The following CARD16 variants were observed in gnomAD, a reference collection of about 807,000 sequenced individuals.
CARD16 encodes caspase recruitment domain-containing protein 16.
In CARD16, 8 loss-of-function variants were observed where a neutral mutation model predicts 11.9. The ratio of observed to expected loss-of-function variants is 0.67; its 90% CI spans 0.39 to 1.21. The LOEUF is 1.21. CARD16 is among the 50% of genes most tolerant of loss of function. The pLI is 0.01. For synonymous variants in CARD16, 44 were observed against 43.8 expected, an observed-to-expected ratio of 1.00 and a Z score of -0.02; for missense variants, 131 against 118.1, an observed-to-expected ratio of 1.11 and a Z score of -0.51.
rs1208905691 is a variant in CARD16, at chr11:105,041,579, T to G, written c.*184A>C. The G allele has an allele frequency of 2.5e-6, 4 of 1,613,926 alleles. No individual in the cohort carries two copies. The highest frequency in any genetic ancestry group is 3.4e-6 in the Non-Finnish European group (4 of 1,179,948). On this transcript the variant is annotated 3_prime_UTR_variant, in exon 4 of 4. Transcript: ENST00000673097. ...CCTGAAGTATATCTTTCACTCCACT[T>G]TATTATTGTATTCTGAACATGGCAC...
Position 105,043,498 on chromosome 11 carries a change from A to C in CARD16, c.*28T>G. 6.2e-7 allele frequency: 1 copy of C among 1,608,216 alleles called. No individual in the cohort carries two copies. ...ACAACATTACCTGGGAAGGAAGAAA[A>C]TAGTAATTGGGAGTCTTGTGTACTA... On this transcript the variant is annotated 3_prime_UTR_variant, in exon 3 of 4. Coordinates refer to ENST00000673097, the MANE Select transcript of CARD16 (RefSeq NM_052889.4).
Position 105,041,676 on chromosome 11 carries a change from T to C in CARD16, c.*87A>G, listed in dbSNP as rs776305434. On this transcript the variant is annotated 3_prime_UTR_variant, in exon 4 of 4. Transcript: ENST00000673097. The stretch of plus-strand genomic sequence containing the variant: ...AAAGCTTGATTCTGCCTTCTGGGCT[T>C]GAGCATGTGGGCATAGCTGGGTTGT... The C allele has an allele frequency of 5.0e-6, 8 of 1,613,874 alleles. No homozygotes were observed. In the Admixed American group the frequency reaches 1.3e-4, roughly 27 times the overall value.
At chr11:105,044,104 A>T in intron 2 of CARD16, 1 of 506,586 alleles carries the variant, frequency 2.0e-6, no homozygotes, top group Non-Finnish European at 3.5e-6. Context: ...CTTGCCAGGA[A>T]CACTGGAACA....
In CARD16 at chr11:105,041,598, A is replaced by G; in HGVS notation, c.*165T>C. Reference sequence around the variant, plus strand: ...TCCACTTTATTATTGTATTCTGAACATGGCACCTCTGCAACTTTTGTTTCC... The same window carrying G: ...TCCACTTTATTATTGTATTCTGAACGTGGCACCTCTGCAACTTTTGTTTCC... On this transcript the variant is annotated 3_prime_UTR_variant, in exon 4 of 4. Coordinates refer to ENST00000673097, the MANE Select transcript of CARD16 (RefSeq NM_052889.4). The G allele has an allele frequency of 6.2e-7, 1 of 1,614,104 alleles. No individual in the cohort carries two copies. The highest frequency in any genetic ancestry group is 8.5e-7 in the Non-Finnish European group (1 of 1,179,960).
intron 3 of CARD16, 87 bp downstream of exon 3, chr11:105,043,396 A>C: frequency 1.1e-6 from 1 of 877,744 alleles, no homozygotes; most frequent in African/African-American, 1.7e-5. Context: ...AATTCTCCAT[A>C]GCCCCTTCAA....
In CARD16 at chr11:105,045,311, TA is replaced by T; in HGVS notation, c.-15del. On this transcript the variant is annotated 5_prime_UTR_variant, in exon 1 of 4. Coordinates refer to ENST00000673097, the MANE Select transcript of CARD16 (RefSeq NM_052889.4). ...CTCACCGGCCATGGCTTTTCTCTCC[TA>T]CCCTTCTTGTGTGGGCTGAAACTGA... 1.2e-6 allele frequency: 2 copies of T among 1,613,986 alleles called. No homozygotes were observed. Among genetic ancestry groups the T allele is most frequent in the East Asian group, 2.2e-5 (1 of 44,882 alleles).
intron 3 of CARD16, among the ~76,000 whole-genome samples, chr11:105,042,833 A>G (rs17375681): frequency 0.033 from 5,021 of 152,334 alleles, 121 homozygotes; most frequent in East Asian, 0.053. Flanking sequence ...TGAGGTAATC[A>G]TCCTTAATAA....
Position 105,044,652 on chromosome 11 carries a change from A to T in CARD16, c.14T>A (p.Val5Asp). The change falls in exon 2 of 4, where the codon GTC becomes GAC. Residue 5 changes from valine to aspartate, a missense_variant. Physicochemically the swap from Val to Asp is radical, Grantham distance 152. Coordinates refer to ENST00000673097, the MANE Select transcript of CARD16 (RefSeq NM_052889.4). MADK[V>D]LKEKRKLFIH... ...AAACAGCTTTCTCTTCTCCTTCAGG[A>T]CCTTGTCTGTTTGGAGCACAAGGAT... The T allele has an allele frequency of 2.5e-6, 4 of 1,613,932 alleles. No homozygotes were observed. Among genetic ancestry groups the T allele is most frequent in the Non-Finnish European group, 3.4e-6 (4 of 1,179,876 alleles).
chr11:105,042,140 TTTTA>T (rs1354220967), intron 3 of CARD16, among the ~76,000 whole-genome samples: 2 of 152,216 alleles, frequency 1.3e-5, no homozygotes. Flanking sequence ...GTGTTTATCC[TTTTA>T]TTTATTTACC....
Position 105,043,531 on chromosome 11 carries a change from T to A in CARD16, c.289A>T (p.Asn97Tyr). Residue 97 changes from asparagine to tyrosine, a missense_variant, in exon 3 of 4, where the codon AAT becomes TAT. By Grantham distance (143) the Asn-to-Tyr change is moderately radical. Transcript: ENST00000673097. ...TGGGAGTCTTGTGTACTAAGCTAAT[T>A]TCCAGGTATCGGACCTATAAAAAGA... ...LGLSAGPIPG[N>Y] 6.2e-7 allele frequency: 1 copy of A among 1,609,536 alleles called. No individual in the cohort carries two copies. The highest frequency in any genetic ancestry group is 8.5e-7 in the Non-Finnish European group (1 of 1,176,632).
Position 105,041,707 on chromosome 11 carries a change from A to G in CARD16, c.*56T>C, listed in dbSNP as rs141079962. Reference sequence around the variant, plus strand: ...TGTGGGCATAGCTGGGTTGTCCTGCACTGCCTGAAGAGCTGCAAGAGACAA... The same window carrying G: ...TGTGGGCATAGCTGGGTTGTCCTGCGCTGCCTGAAGAGCTGCAAGAGACAA... On this transcript the variant is annotated 3_prime_UTR_variant, in exon 4 of 4. Coordinates refer to ENST00000673097, the MANE Select transcript of CARD16 (RefSeq NM_052889.4). The G allele has an allele frequency of 5.9e-5, 96 of 1,613,730 alleles. No individual in the cohort carries two copies. The highest frequency in any genetic ancestry group is 4.9e-4 in the Middle Eastern group (3 of 6,080).
chr11:105,043,484 T>G lies in CARD16; in HGVS notation c.*42A>C, dbSNP rs772810058. On this transcript the variant is annotated splice_region_variant and 3_prime_UTR_variant, in exon 3 of 4. Transcript: ENST00000673097. ...CTCTTCATTGAAAAACAACATTACC[T>G]GGGAAGGAAGAAAATAGTAATTGGG... 2.1e-5 allele frequency: 34 copies of G among 1,602,486 alleles called. No individual in the cohort carries two copies. In the Middle Eastern group the frequency reaches 5.0e-4, roughly 23 times the overall value.
chr11:105,044,630 C>G lies in CARD16; in HGVS notation c.36G>C (p.Leu12=). ...ADKVLKEKRK[L]FIHSMGEGTI... ...TACCTTCACCCATGGAATGGATAAACAGCTTTCTCTTCTCCTTCAGGACCT... is the reference window on the plus strand; with the variant it reads ...TACCTTCACCCATGGAATGGATAAAGAGCTTTCTCTTCTCCTTCAGGACCT... Residue 12 remains leucine, a synonymous_variant, in exon 2 of 4, where the codon CTG becomes CTC. Transcript: ENST00000673097. 1 of 1,614,092 alleles carries G rather than the reference C, an allele frequency of 6.2e-7. No individual in the cohort carries two copies. Among genetic ancestry groups the G allele is most frequent in the Non-Finnish European group, 8.5e-7 (1 of 1,179,952 alleles).
At chr11:105,045,188 C>T (rs1864178269) in intron 1 of CARD16, 103 bp downstream of exon 1, 1 of 1,529,400 alleles carries the variant, frequency 6.5e-7, no homozygotes, top group Non-Finnish European at 9.1e-7. Flanking sequence ...CACTTCTGCT[C>T]ACCTAAACTT....
At chr11:105,043,459 C>T (rs1014589804) in intron 3 of CARD16, 24 bp downstream of exon 3, 1 of 1,530,800 alleles carries the variant, frequency 6.5e-7, no homozygotes. Flanking sequence ...TCAAAGAATG[C>T]TCTTCATTGA....
chr11:105,044,302 T>G, intron 2 of CARD16, 90 bp downstream of exon 2: 1 of 1,589,528 alleles, frequency 6.3e-7, no homozygotes, highest in Non-Finnish European at 8.6e-7. Flanking sequence ...AAGAAGATAT[T>G]CTGCAGATTA....
At position 105,045,329 on chromosome 11, in the gene CARD16, T is replaced by G. The variant is rs759031884; in HGVS notation, c.-32A>C. Reference sequence around the variant, plus strand: ...TCTCTCCTACCCTTCTTGTGTGGGCTGAAACTGAAAGTATGTTTCGCCTTC... The same window carrying G: ...TCTCTCCTACCCTTCTTGTGTGGGCGGAAACTGAAAGTATGTTTCGCCTTC... On this transcript the variant is annotated 5_prime_UTR_variant, in exon 1 of 4. Coordinates refer to ENST00000673097, the MANE Select transcript of CARD16 (RefSeq NM_052889.4). 1.2e-6 allele frequency: 2 copies of G among 1,613,824 alleles called. No individual in the cohort carries two copies. Among genetic ancestry groups the G allele is most frequent in the Admixed American group, 1.7e-5 (1 of 59,990 alleles).
Position 105,041,641 on chromosome 11 carries a change from T to C in CARD16, c.*122A>G. On this transcript the variant is annotated 3_prime_UTR_variant, in exon 4 of 4. Coordinates refer to ENST00000673097, the MANE Select transcript of CARD16 (RefSeq NM_052889.4). ...TTGTTTCCATATCCTTTGAGCGTCT[T>C]CTAGAAAGCAAAGCTTGATTCTGCC... 2 of 1,614,088 alleles carry C rather than the reference T, an allele frequency of 1.2e-6. No individual in the cohort carries two copies. Among genetic ancestry groups the C allele is most frequent in the Non-Finnish European group, 1.7e-6 (2 of 1,179,958 alleles).
chr11:105,044,286 A>G, intron 2 of CARD16, 106 bp downstream of exon 2: 2 of 1,559,184 alleles, frequency 1.3e-6, no homozygotes, highest in Admixed American at 1.8e-5. Flanking sequence ...GCCCAAAGGC[A>G]GAGATAAGAA....
Sources: allele counts gnomAD v4.1 joint callset (sites outside exome capture counted in the v4.1 genomes callset), GRCh38; gene constraint gnomAD v4.1.1; transcripts MANE v1.5; gene names NCBI Gene and HGNC (gene_info 2026-07-23, HGNC 2026-07-21).